SREBF2: variants seen among roughly 807,000 people sequenced by gnomAD.
The protein encoded by SREBF2 is sterol regulatory element-binding protein 2.
In SREBF2, 55 loss-of-function variants were observed where a neutral mutation model predicts 113.1. The observed-to-expected ratio is 0.49, with a 90% CI of 0.39 to 0.61. The LOEUF (loss-of-function observed/expected upper bound fraction) is 0.61, where lower values mean the gene tolerates loss of function less well. Ranked by LOEUF, SREBF2 falls within the 20% of genes least tolerant of loss-of-function variation. The pLI is 0.00. For synonymous variants in SREBF2, 593 were observed against 605.7 expected, an observed-to-expected ratio of 0.98 and a Z score of 0.31; for missense variants, 1,349 against 1,487.4, an observed-to-expected ratio of 0.91 and a Z score of 1.53.
At chr22:41,902,121 G>C (rs1457142444) in intron 16 of SREBF2, among the ~76,000 whole-genome samples, 1 of 152,250 alleles carries the variant, frequency 6.6e-6, no homozygotes, top group Non-Finnish European at 1.5e-5. Context: ...CCAGTGTCCT[G>C]GGAAGGAGGA....
chr22:41,868,255 A>C (rs1056020416), intron 2 of SREBF2, among the ~76,000 whole-genome samples: 2 of 152,188 alleles, frequency 1.3e-5, no homozygotes, highest in African/African-American at 4.8e-5. Context: ...AGTCCTCCCA[A>C]AGTGCACTTG....
At chr22:41,837,473 A>C (rs902745294) in intron 1 of SREBF2, among the ~76,000 whole-genome samples, 1 of 151,028 alleles carries the variant, frequency 6.6e-6, no homozygotes, top group African/African-American at 2.4e-5. Context: ...CAGGAGAATC[A>C]CTTGAACCTG....
chr22:41,871,171 T>C (rs550284733), intron 4 of SREBF2, 136 bp downstream of exon 4: 3 of 1,214,240 alleles, frequency 2.5e-6, no homozygotes, highest in South Asian at 2.9e-5. Flanking sequence ...ATTGTAAATG[T>C]CACCCCTCTT....
At chr22:41,877,150 C>A in intron 7 of SREBF2, 79 bp from the exon 8 acceptor site, 2 of 1,385,572 alleles carry the variant, frequency 1.4e-6, no homozygotes, top group South Asian at 1.2e-5. Context: ...AACCATTTCT[C>A]AATATATATA....
Position 41,877,975 on chromosome 22 carries a change from C to T in SREBF2, c.1613C>T (p.Thr538Ile), listed in dbSNP as rs1271268696. Reference protein sequence around the residue: ...SGGWFDWMMPTLLLWLVNGVI... With the variant: ...SGGWFDWMMPILLLWLVNGVI... ...GGCTGGTTTGACTGGATGATGCCTA[C>T]TCTTCTCTTATGGCTGGTAAATGGT... is the stretch of plus-strand genomic sequence containing the variant. Residue 538 changes from threonine (T) to isoleucine (I), a missense_variant, in exon 9 of 19, where the codon ACT becomes ATT. This residue lies in a region of SREBF2 where 699 missense variants were observed against 843.3 expected (regional missense o/e 0.83). Coordinates refer to ENST00000361204, the MANE Select transcript of SREBF2 (RefSeq NM_004599.4). 1 of 1,614,182 alleles carries T rather than the reference C, an allele frequency of 6.2e-7. No homozygotes were observed.
intron 1 of SREBF2, among the ~76,000 whole-genome samples, chr22:41,846,126 G>A (rs1012328266): frequency 1.5e-4 from 23 of 152,212 alleles, no homozygotes; most frequent in Non-Finnish European, 1.6e-4. Flanking sequence ...CACAAACAGG[G>A]TTTTGGTCAG....
At chr22:41,866,692 A>T in intron 1 of SREBF2, 139 bp from the exon 2 acceptor site, 1 of 986,758 alleles carries the variant, frequency 1.0e-6, no homozygotes, top group Non-Finnish European at 1.6e-6. Flanking sequence ...TCCCCACAAG[A>T]AAGAGGTAAG....
At chr22:41,846,842 T>C (rs1001311161) in intron 1 of SREBF2, among the ~76,000 whole-genome samples, 3 of 152,220 alleles carry the variant, frequency 2.0e-5, no homozygotes, top group African/African-American at 7.2e-5. Context: ...CCTTTCTTTG[T>C]GAGGCACTTG....
At chr22:41,855,619 A>G (rs748923891) in intron 1 of SREBF2, among the ~76,000 whole-genome samples, 3 of 152,212 alleles carry the variant, frequency 2.0e-5, no homozygotes, top group African/African-American at 7.2e-5. Flanking sequence ...TAACTTAACA[A>G]TTTTCTGCAG....
chr22:41,888,571 C>T (rs1206467697), intron 11 of SREBF2, among the ~76,000 whole-genome samples: 1 of 152,202 alleles, frequency 6.6e-6, no homozygotes, highest in Admixed American at 6.5e-5. Context: ...TAGTGACTAA[C>T]GATGAATCTT....
At chr22:41,865,980 A>G (rs755308890) in intron 1 of SREBF2, among the ~76,000 whole-genome samples, 39 of 152,158 alleles carry the variant, frequency 2.6e-4, no homozygotes, top group Non-Finnish European at 2.9e-4. Flanking sequence ...GAGTGTTTCC[A>G]AGAATACCAA....
chr22:41,850,489 C>G (rs996485499), intron 1 of SREBF2, among the ~76,000 whole-genome samples: 1 of 151,844 alleles, frequency 6.6e-6, no homozygotes, highest in Non-Finnish European at 1.5e-5. Flanking sequence ...ACCTAAGTGC[C>G]CCTCCACACA....
chr22:41,880,558 T>G (rs2148396047), intron 9 of SREBF2, among the ~76,000 whole-genome samples, 158 bp from the exon 10 acceptor site: 1 of 152,274 alleles, frequency 6.6e-6, no homozygotes, highest in East Asian at 1.9e-4. Flanking sequence ...TTATAGGTGG[T>G]TTTGTTTTAC....
intron 1 of SREBF2, 23 bp from the exon 2 acceptor site, chr22:41,866,808 T>TA: frequency 1.2e-6 from 2 of 1,613,638 alleles, no homozygotes; most frequent in South Asian, 2.2e-5. Flanking sequence ...GCAATAAAAT[T>TA]ACTCCTTTTC....
At position 41,881,005 on chromosome 22, in the gene SREBF2, C is replaced by G; in HGVS notation, c.2038+13C>G. On this transcript the variant is annotated intron_variant, in intron 10 of 18. Transcript: ENST00000361204. ...CTGCACATCACAGGTGAGGGGGCAG[C>G]TGCTGCTGCCTGGCTTGCTGCAAGG... The G allele has an allele frequency of 6.2e-7, 1 of 1,602,476 alleles. No homozygotes were observed. The highest frequency in any genetic ancestry group is 8.5e-7 in the Non-Finnish European group (1 of 1,179,484).
chr22:41,846,788 C>T (rs1476622280), intron 1 of SREBF2, among the ~76,000 whole-genome samples: 1 of 152,226 alleles, frequency 6.6e-6, no homozygotes, highest in African/African-American at 2.4e-5. Flanking sequence ...TCGGTTTTCA[C>T]TGCCTGCCAG....
intron 1 of SREBF2, among the ~76,000 whole-genome samples, chr22:41,853,802 G>T (rs910813412): frequency 6.6e-6 from 1 of 151,970 alleles, no homozygotes; most frequent in African/African-American, 2.4e-5. Flanking sequence ...TTGGGAGGCC[G>T]CGGCAGGTGG....
chr22:41,847,614 T>C (rs7288536), intron 1 of SREBF2, among the ~76,000 whole-genome samples: 52,057 of 152,084 alleles, frequency 0.34, 9,960 homozygotes, highest in Non-Finnish European at 0.44. Context: ...ATGTGGTAGC[T>C]AAGAGCTTGA....
chr22:41,858,507 C>G (rs1014600552), intron 1 of SREBF2, among the ~76,000 whole-genome samples: 6 of 148,630 alleles, frequency 4.0e-5, no homozygotes, highest in Non-Finnish European at 7.4e-5. Context: ...AATCAGGAGG[C>G]TAAGGTGGGA....
Sources: gnomAD v4.1 joint callset for allele counts (sites outside exome capture counted in the v4.1 genomes callset) on GRCh38, gnomAD v4.1.1 for gene constraint, gnomAD v4.1.1 regional missense constraint, MANE v1.5 for transcripts, NCBI Gene and HGNC (gene_info 2026-07-23, HGNC 2026-07-21) for gene names.